Variants in BAG1 observed in about 807,000 individuals in gnomAD.
BAG1 encodes BAG cochaperone 1.
Under a neutral mutation model 35.5 loss-of-function variants are expected in BAG1, and 35 were observed. The observed-to-expected ratio is 0.99, with a 90% CI of 0.75 to 1.31. The LOEUF is 1.31. Ranked by LOEUF, BAG1 falls within the 50% of genes most tolerant of loss-of-function variation. The pLI is 0.00. For missense variants in BAG1, 464 were observed against 453.6 expected (o/e 1.02, Z -0.21); for synonymous variants, 191 against 178.9 (o/e 1.07, Z -0.54).
chr9:33,255,666 C>T (rs909360431), intron 6 of BAG1, among the ~76,000 whole-genome samples, 199 bp downstream of exon 6: 1 of 152,204 alleles, frequency 6.6e-6, no homozygotes, highest in African/African-American at 2.4e-5. Context: ...GAGTTCCCTC[C>T]CTAAATAGTT....
chr9:33,256,659 T>C (rs1820459092), intron 5 of BAG1, 142 bp downstream of exon 5: 3 of 676,768 alleles, frequency 4.4e-6, no homozygotes, highest in Admixed American at 2.8e-5. Context: ...CCTAGCAACA[T>C]GACTGGCACA....
In BAG1 at chr9:33,253,060, A is replaced by G. The variant is rs1407737255; in HGVS notation, c.*2159T>C. The G allele has an allele frequency of 2.0e-5, 3 of 152,322 alleles. No homozygotes were observed. The highest frequency in any genetic ancestry group is 3.4e-3 in the Middle Eastern group (1 of 294). The allele number at this position is 152,322 out of a possible 1,614,324, so 9.4% of individuals were successfully genotyped here. A position where few individuals can be genotyped will look rare whatever the true frequency, so the allele number is the denominator to read the frequency against. ...AAGACTTTTGCCTAAAGAGAAAGTG[A>G]GCCATTGGAGGGTTCTAAGCAGGGG... On this transcript the variant is annotated 3_prime_UTR_variant, in exon 7 of 7. Transcript: ENST00000634734.
chr9:33,258,193 G>A (rs1820495289), intron 4 of BAG1: 1 of 83,476 alleles, frequency 1.2e-5, no homozygotes, highest in African/African-American at 2.7e-5. Context: ...CTACTCGGGA[G>A]GCTGAGGCAG....
chr9:33,258,641 T>C (rs1280582323), intron 4 of BAG1, among the ~76,000 whole-genome samples: 1 of 152,214 alleles, frequency 6.6e-6, no homozygotes, highest in Non-Finnish European at 1.5e-5. Context: ...GGTTTGACAA[T>C]AACTATGACA....
chr9:33,262,372 C>T, intron 2 of BAG1: 1 of 1,157,172 alleles, frequency 8.6e-7, no homozygotes. Flanking sequence ...AATGCTTACC[C>T]TTGGCCAGGT....
At chr9:33,262,323 T>C in intron 2 of BAG1, 1 of 1,229,140 alleles carries the variant, frequency 8.1e-7, no homozygotes, top group Non-Finnish European at 1.0e-6. Context: ...TCAGCAGTTT[T>C]AAAACTGTCC....
rs1431773542 is a variant in BAG1, at chr9:33,252,882, GGT to G, written c.*2335_*2336del. ...ACAAGGGTAGGGTTGGAGGAAGGAA[GGT>G]GAGGAGCTGTTCAAGCAGAGGTAGT... is the stretch of plus-strand genomic sequence containing the variant. On this transcript the variant is annotated 3_prime_UTR_variant, in exon 7 of 7. Coordinates refer to ENST00000634734, the MANE Select transcript of BAG1 (RefSeq NM_004323.6). The G allele has an allele frequency of 6.6e-6, 1 of 152,084 alleles. No homozygotes were observed. Among genetic ancestry groups the G allele is most frequent in the Non-Finnish European group, 1.5e-5 (1 of 68,068 alleles). The allele number at this position is 152,084 out of a possible 1,614,324, so 9.4% of individuals were successfully genotyped here.
intron 6 of BAG1, among the ~76,000 whole-genome samples, chr9:33,255,562 A>G (rs530127187): frequency 6.6e-6 from 1 of 152,372 alleles, no homozygotes; most frequent in South Asian, 2.1e-4. Flanking sequence ...CCTCAGGGCC[A>G]CTGCACAGCA....
chr9:33,256,499 C>T (rs1181645914), intron 5 of BAG1, among the ~76,000 whole-genome samples: 1 of 152,186 alleles, frequency 6.6e-6, no homozygotes, highest in Non-Finnish European at 1.5e-5. Context: ...GTTTCCTGGA[C>T]CATGAGATCG....
chr9:33,255,624 G>A (rs1369753533), intron 6 of BAG1, among the ~76,000 whole-genome samples: 3 of 152,236 alleles, frequency 2.0e-5, no homozygotes, highest in African/African-American at 7.2e-5. Context: ...TCCTGGAATT[G>A]TGTAATGTGT....
At position 33,253,530 on chromosome 9, in the gene BAG1, T is replaced by C. The variant is rs1198275484; in HGVS notation, c.*1689A>G. 6.6e-6 allele frequency: 1 copy of C among 152,164 alleles called. No individual in the cohort carries two copies. The highest frequency in any genetic ancestry group is 1.5e-5 in the Non-Finnish European group (1 of 68,044). 9.4% of individuals were successfully genotyped at this position (152,164 alleles called of 1,614,324 possible). A position where few individuals can be genotyped will look rare whatever the true frequency, so the allele number is the denominator to read the frequency against. On this transcript the variant is annotated 3_prime_UTR_variant, in exon 7 of 7. Coordinates refer to ENST00000634734, the MANE Select transcript of BAG1 (RefSeq NM_004323.6). ...CAAAAATAGATCAATAGTGAACCAC[T>C]CTGATTAAAGTTGGGGTGCGGTGGG...
chr9:33,255,124 C>T lies in BAG1; in HGVS notation c.*95G>A. 1 of 1,612,854 alleles carries T rather than the reference C, an allele frequency of 6.2e-7. No individual in the cohort carries two copies. The highest frequency in any genetic ancestry group is 8.5e-7 in the Non-Finnish European group (1 of 1,179,468). On this transcript the variant is annotated 3_prime_UTR_variant, in exon 7 of 7. Coordinates refer to ENST00000634734, the MANE Select transcript of BAG1 (RefSeq NM_004323.6). The stretch of plus-strand genomic sequence containing the variant: ...AAATTGGCAAATGGCCAGTTGCCCC[C>T]AGCAGCCCTGAAGAAATCAGGTAAA...
intron 1 of BAG1, among the ~76,000 whole-genome samples, chr9:33,263,254 A>G (rs1334476656): frequency 6.6e-6 from 1 of 152,130 alleles, no homozygotes; most frequent in East Asian, 1.9e-4. Context: ...ATCACAAGCC[A>G]TCTGCTTCCT....
Position 33,264,302 on chromosome 9 carries a change from C to G in BAG1, c.373G>C (p.Asp125His). The change falls in exon 1 of 7, where the codon GAC becomes CAC. Residue 125 changes from aspartate (D) to histidine (H), a missense_variant. Asp to His is a moderately conservative substitution (Grantham distance 81). Transcript: ENST00000634734. ...TCCTCGCTCCGGGTCGACTCCTCGT[C>G]CCGGGTCACCTCCTGGCTCCGATTC... 1 of 1,612,658 alleles carries G rather than the reference C, an allele frequency of 6.2e-7. No individual in the cohort carries two copies. The highest frequency in any genetic ancestry group is 1.1e-5 in the South Asian group (1 of 90,952).
intron 3 of BAG1, chr9:33,260,519 T>C (rs1232968207): frequency 6.6e-6 from 1 of 152,258 alleles, no homozygotes; most frequent in Non-Finnish European, 1.5e-5. Context: ...GAACTTCATA[T>C]GCTCATAATT....
Position 33,261,177 on chromosome 9 carries a change from G to T in BAG1, c.581-8C>A. On this transcript the variant is annotated splice_polypyrimidine_tract_variant and splice_region_variant and intron_variant, in intron 2 of 6. Transcript: ENST00000634734. ...TTTCCTTCAGAGATTTTCCTAAAAA[G>T]AGGAGAAAGGTAGGCCAAGTTGTAA... 1 of 1,598,094 alleles carries T rather than the reference G, an allele frequency of 6.3e-7. No individual in the cohort carries two copies. Among genetic ancestry groups the T allele is most frequent in the South Asian group, 1.1e-5 (1 of 88,716 alleles).
chr9:33,262,207 C>T (rs1217406973), intron 2 of BAG1: 2 of 1,289,000 alleles, frequency 1.6e-6, no homozygotes, highest in Admixed American at 2.3e-5. Flanking sequence ...TTGAGAGTGT[C>T]CAATACCTAG....
At position 33,262,729 on chromosome 9, in the gene BAG1, G is replaced by A. The variant is rs1422483629; in HGVS notation, c.553C>T (p.Gln185Ter). The change falls in exon 2 of 7, where the codon CAG (glutamine) becomes TAG (stop). Residue 185 changes from glutamine (Q) to a stop codon, truncating the protein, a stop_gained. Coordinates refer to ENST00000634734, the MANE Select transcript of BAG1 (RefSeq NM_004323.6). LOFTEE classifies it high-confidence loss of function. ...TTAAATATGAGTTTCTGAAAAGACTGTGGAACCCCTATGACCTCTTCAACA... is the reference window on the plus strand; with the variant it reads ...TTAAATATGAGTTTCTGAAAAGACTATGGAACCCCTATGACCTCTTCAACA... The A allele has an allele frequency of 1.9e-6, 3 of 1,611,768 alleles. No individual in the cohort carries two copies. The African/African-American group carries it at 4.0e-5, about 22-fold the overall frequency.
At chr9:33,256,657 C>T (rs1820458947) in intron 5 of BAG1, 144 bp downstream of exon 5, 1 of 670,030 alleles carries the variant, frequency 1.5e-6, no homozygotes, top group East Asian at 2.8e-5. Flanking sequence ...GACCTAGCAA[C>T]ATGACTGGCA....
Sources: allele counts gnomAD v4.1 joint callset (sites outside exome capture counted in the v4.1 genomes callset), GRCh38; gene constraint gnomAD v4.1.1; transcripts MANE v1.5; gene names NCBI Gene and HGNC (gene_info 2026-07-23, HGNC 2026-07-21).